BORCS5: variants seen among roughly 807,000 people sequenced by gnomAD.
BORCS5 encodes BLOC-1-related complex subunit 5.
A neutral mutation model predicts 22.1 loss-of-function variants in BORCS5; 17 were observed. That is an observed-to-expected ratio of 0.77 (90% CI 0.53 to 1.15). BORCS5 has a LOEUF of 1.15. Among genes scored for constraint, BORCS5 ranks in the 50% most tolerant of loss-of-function variants. The pLI, the probability that BORCS5 is intolerant of heterozygous loss-of-function variation, is 0.00. For synonymous variants in BORCS5, 117 were observed against 99.8 expected (o/e 1.17, Z -1.03); for missense variants, 247 against 253.2 (o/e 0.98, Z 0.17).
At position 12,390,200 on chromosome 12, in the gene BORCS5, G is replaced by A. The variant is rs539069970; in HGVS notation, c.202+28851G>A. ...AGCAAATATTTGAGGGCTGCTATGT[G>A]TTAGGCACTGTTCTAGGAGGTGAGG... On this transcript the variant is annotated intron_variant, in intron 2 of 3. Coordinates refer to ENST00000314565, the MANE Select transcript of BORCS5 (RefSeq NM_058169.6). Among the ~76,000 whole-genome samples the A allele has an allele frequency of 2.0e-5, 3 of 152,192 alleles. No individual in the cohort carries two copies. In the South Asian group the frequency reaches 6.2e-4, roughly 32 times the overall value.
At chr12:12,440,617 A>AAAC (rs913422735) in intron 3 of BORCS5, among the ~76,000 whole-genome samples, 4 of 151,718 alleles carry the variant, frequency 2.6e-5, no homozygotes, top group African/African-American at 9.7e-5. Flanking sequence ...AAAAAAAAAA[A>AAAC]AAACCAGGAT....
At chr12:12,402,343 G>C (rs185780624) in intron 2 of BORCS5, among the ~76,000 whole-genome samples, 1 of 152,264 alleles carries the variant, frequency 6.6e-6, no homozygotes, top group African/African-American at 2.4e-5. Context: ...TAAGGATCAT[G>C]AGATTCGTGA....
In BORCS5 at chr12:12,357,158, C is replaced by G. The variant is rs1293376710; in HGVS notation, c.-294C>G. On this transcript the variant is annotated 5_prime_UTR_variant, in exon 1 of 4. Transcript: ENST00000314565. Reference sequence around the variant, plus strand: ...CGCCGCCCGCCGGCCGCAGGTGCGGCAAAGCCAGTGTCATCTGCCGGTTCT... The same window carrying G: ...CGCCGCCCGCCGGCCGCAGGTGCGGGAAAGCCAGTGTCATCTGCCGGTTCT... 2.0e-6 allele frequency: 3 copies of G among 1,532,614 alleles called. No individual in the cohort carries two copies. The highest frequency in any genetic ancestry group is 1.2e-5 in the South Asian group (1 of 83,840). 94.9% of individuals were successfully genotyped at this position (1,532,614 alleles called of 1,614,324 possible). A position where few individuals can be genotyped will look rare whatever the true frequency, so the allele number is the denominator to read the frequency against.
At chr12:12,422,825 T>C (rs983877514) in intron 2 of BORCS5, among the ~76,000 whole-genome samples, 3 of 152,054 alleles carry the variant, frequency 2.0e-5, no homozygotes, top group African/African-American at 7.2e-5. Flanking sequence ...AAACAAAATA[T>C]GGAGTTATAA....
chr12:12,373,427 C>T (rs2136032276), intron 2 of BORCS5, among the ~76,000 whole-genome samples: 1 of 152,244 alleles, frequency 6.6e-6, no homozygotes, highest in East Asian at 1.9e-4. Flanking sequence ...GCTTGTTTTC[C>T]TTCTTTCAGG....
intron 3 of BORCS5, among the ~76,000 whole-genome samples, chr12:12,438,385 A>AAAAAAC (rs1555156048): frequency 1.3e-4 from 16 of 126,104 alleles, no homozygotes; most frequent in African/African-American, 4.6e-4. Context: ...AAAAAACGAA[A>AAAAAAC]AACAACAACA....
intron 3 of BORCS5, among the ~76,000 whole-genome samples, chr12:12,449,278 T>C (rs886555120): frequency 6.6e-6 from 1 of 152,164 alleles, no homozygotes; most frequent in Non-Finnish European, 1.5e-5. Flanking sequence ...GCAAAAGATC[T>C]CAGATGTCTA....
At chr12:12,392,613 G>A (rs925946536) in intron 2 of BORCS5, among the ~76,000 whole-genome samples, 2 of 152,042 alleles carry the variant, frequency 1.3e-5, no homozygotes, top group South Asian at 2.1e-4. Flanking sequence ...TATAAATTGA[G>A]ACTAAAAAGT....
chr12:12,423,204 G>A (rs555933497), intron 2 of BORCS5, among the ~76,000 whole-genome samples: 37 of 151,944 alleles, frequency 2.4e-4, no homozygotes, highest in Middle Eastern at 3.4e-3. Context: ...GGGTCCCACC[G>A]TGTTAGCCAG....
At position 12,357,321 on chromosome 12, in the gene BORCS5, A is replaced by G. The variant is rs1447784892; in HGVS notation, c.-131A>G. The G allele has an allele frequency of 2.7e-6, 4 of 1,473,912 alleles. No homozygotes were observed. Among genetic ancestry groups the G allele is most frequent in the African/African-American group, 1.4e-5 (1 of 71,158 alleles). The allele number at this position is 1,473,912 out of a possible 1,614,324, so 91.3% of individuals were successfully genotyped here. On this transcript the variant is annotated 5_prime_UTR_variant, in exon 1 of 4. Coordinates refer to ENST00000314565, the MANE Select transcript of BORCS5 (RefSeq NM_058169.6). The stretch of plus-strand genomic sequence containing the variant: ...TGGGCTGGACGCGTCAGCCCCACAC[A>G]TTAGCCTCGCTGCGGCGCCCAGACT...
intron 2 of BORCS5, among the ~76,000 whole-genome samples, chr12:12,407,433 T>C (rs1405015735): frequency 6.6e-6 from 1 of 152,094 alleles, no homozygotes; most frequent in Non-Finnish European, 1.5e-5. Context: ...TTGTGGAATA[T>C]TTTTGCTTAG....
chr12:12,386,583 TCTC>T, intron 2 of BORCS5, among the ~76,000 whole-genome samples: 1 of 150,530 alleles, frequency 6.6e-6, no homozygotes, highest in East Asian at 1.9e-4. Context: ...TTCAAGCAAT[TCTC>T]CTACTCCTAC....
intron 2 of BORCS5, among the ~76,000 whole-genome samples, chr12:12,421,976 A>G (rs868290399): frequency 2.6e-5 from 4 of 151,788 alleles, no homozygotes; most frequent in East Asian, 1.9e-4. Context: ...TGGTTTATCA[A>G]TTTTGTTGAT....
intron 3 of BORCS5, among the ~76,000 whole-genome samples, chr12:12,460,976 A>C (rs1002524335): frequency 1.3e-5 from 2 of 152,208 alleles, no homozygotes; most frequent in Non-Finnish European, 2.9e-5. Flanking sequence ...CTTTGAGCAC[A>C]TTCTACAGAT....
At chr12:12,417,267 T>C (rs1941992467) in intron 2 of BORCS5, among the ~76,000 whole-genome samples, 1 of 152,210 alleles carries the variant, frequency 6.6e-6, no homozygotes, top group Admixed American at 6.5e-5. Flanking sequence ...AATTGTGGAT[T>C]TTCCAGTTTT....
intron 2 of BORCS5, among the ~76,000 whole-genome samples, chr12:12,379,268 G>A (rs1260174442): frequency 6.6e-6 from 1 of 150,582 alleles, no homozygotes; most frequent in Admixed American, 6.6e-5. Flanking sequence ...CTACAGGCAC[G>A]TGCCACCATG....
intron 2 of BORCS5, among the ~76,000 whole-genome samples, chr12:12,408,374 A>G (rs1233236386): frequency 6.6e-6 from 1 of 152,118 alleles, no homozygotes; most frequent in African/African-American, 2.4e-5. Flanking sequence ...CCTCCCTTGT[A>G]ATTACCCACA....
rs991279062 is a variant in BORCS5 at position 12,384,858 on chromosome 12, G to C, written c.202+23509G>C. On this transcript the variant is annotated intron_variant, in intron 2 of 3. Transcript: ENST00000314565. ...ACAGGGGCTGGAGCAGCTGGGGGCC[G>C]TCTGGGCAGCTCTCTTTATTTGTGT... is the stretch of plus-strand genomic sequence containing the variant. 7.3e-5 allele frequency among the ~76,000 whole-genome samples: 11 copies of C among 151,268 alleles called. 1 individual carries two copies. The highest frequency in any genetic ancestry group is 1.9e-4 in the East Asian group (1 of 5,170).
intron 2 of BORCS5, among the ~76,000 whole-genome samples, chr12:12,403,575 C>T (rs1941526333): frequency 6.6e-6 from 1 of 152,102 alleles, no homozygotes; most frequent in South Asian, 2.1e-4. Context: ...TATCAACTAA[C>T]ATGTTCCATA....
Sources: allele counts gnomAD v4.1 joint callset (sites outside exome capture counted in the v4.1 genomes callset), GRCh38; gene constraint gnomAD v4.1.1; transcripts MANE v1.5; gene names NCBI Gene and HGNC (gene_info 2026-07-23, HGNC 2026-07-21).